The following MAF variants were observed in gnomAD, a reference collection of about 807,000 sequenced individuals.
MAF encodes MAF bZIP transcription factor.
A neutral mutation model predicts 22.0 loss-of-function variants in MAF; 10 were observed. That is an observed-to-expected ratio of 0.45 (90% confidence interval 0.28 to 0.77). The LOEUF is 0.77. Ranked by LOEUF, MAF falls within the 30% of genes least tolerant of loss-of-function variation. The probability of loss-of-function intolerance (pLI) is 0.12; values close to 1 mark genes in which losing one functional copy is unlikely to be tolerated. For synonymous variants in MAF, 337 were observed against 255.8 expected (o/e 1.32, Z -3.03); for missense variants, 544 against 548.4 (o/e 0.99, Z 0.08).
At chr16:79,472,784 T>A in the MAF span, among the ~76,000 whole-genome samples, 1 of 151,922 alleles carries the variant, frequency 6.6e-6, no homozygotes, top group Non-Finnish European at 1.5e-5. Context: ...GTATATAAAT[T>A]GTACGTCAAT....
At chr16:79,479,096 G>T in the MAF span, among the ~76,000 whole-genome samples, 2 of 150,204 alleles carry the variant, frequency 1.3e-5, no homozygotes, top group African/African-American at 4.9e-5. Flanking sequence ...TAGTGCACCC[G>T]TGCACCACCC....
chr16:79,597,906 G>C, intron 1 of MAF: 1 of 1,037,774 alleles, frequency 9.6e-7, no homozygotes. Context: ...CATGAGATGA[G>C]AATGAGTTTT....
chr16:79,422,658 T>C, the MAF span, among the ~76,000 whole-genome samples: 7 of 152,292 alleles, frequency 4.6e-5, no homozygotes, highest in South Asian at 1.5e-3. Context: ...TCCCCATTCC[T>C]TTGGGGGGCA....
chr16:79,546,827 A>C, the MAF span, among the ~76,000 whole-genome samples: 1 of 152,330 alleles, frequency 6.6e-6, no homozygotes, highest in Middle Eastern at 3.4e-3. Context: ...ACCAATTATT[A>C]ATATAATTAT....
the MAF span, among the ~76,000 whole-genome samples, chr16:79,359,144 T>G: frequency 6.6e-6 from 1 of 152,202 alleles, no homozygotes; most frequent in Non-Finnish European, 1.5e-5. Flanking sequence ...TCTTTCTCTC[T>G]CCATACATCA....
the MAF span, among the ~76,000 whole-genome samples, chr16:79,350,191 G>A: frequency 3.9e-5 from 6 of 152,294 alleles, no homozygotes; most frequent in South Asian, 1.2e-3. Context: ...ATTTGTTAAA[G>A]CATGGACTCT....
chr16:79,241,978 A>T, the MAF span, among the ~76,000 whole-genome samples: 1 of 152,046 alleles, frequency 6.6e-6, no homozygotes, highest in South Asian at 2.1e-4. Flanking sequence ...AAATTTTTAC[A>T]GACAAGCAAA....
At chr16:79,245,989 A>G in the MAF span, among the ~76,000 whole-genome samples, 1 of 151,620 alleles carries the variant, frequency 6.6e-6, no homozygotes, top group Admixed American at 6.6e-5. Context: ...TTCTGACTCA[A>G]AAGTGGGAGT....
At chr16:79,575,808 T>TC in the MAF span, among the ~76,000 whole-genome samples, 1 of 152,152 alleles carries the variant, frequency 6.6e-6, no homozygotes, top group Non-Finnish European at 1.5e-5. Flanking sequence ...GAAAGCATAG[T>TC]TTTTATATCC....
At chr16:79,535,992 GTATTTA>G in the MAF span, among the ~76,000 whole-genome samples, 1 of 152,212 alleles carries the variant, frequency 6.6e-6, no homozygotes, top group African/African-American at 2.4e-5. Context: ...ACAGTTGGCA[GTATTTA>G]TAGAATCAGG....
the MAF span, among the ~76,000 whole-genome samples, chr16:79,437,140 CTCTCTCTG>C: frequency 7.7e-5 from 2 of 25,998 alleles, no homozygotes; most frequent in African/African-American, 1.7e-4. Flanking sequence ...AAAGCTCTCT[CTCTCTCTG>C]TGTGTGTGTG....
chr16:79,390,986 A>C, the MAF span, among the ~76,000 whole-genome samples: 1 of 152,172 alleles, frequency 6.6e-6, no homozygotes, highest in Non-Finnish European at 1.5e-5. Flanking sequence ...TCGGGACAGA[A>C]GTGCATTGTC....
chr16:79,266,562 A>C, the MAF span, among the ~76,000 whole-genome samples: 3,601 of 152,262 alleles, frequency 0.024, 156 homozygotes, highest in African/African-American at 0.083. Flanking sequence ...GTCTTTCTGG[A>C]AATAGCCATA....
At chr16:79,276,741 T>C in the MAF span, among the ~76,000 whole-genome samples, 1 of 152,198 alleles carries the variant, frequency 6.6e-6, no homozygotes, top group Non-Finnish European at 1.5e-5. Context: ...AAAGCTTCCC[T>C]GTTCATTTCC....
chr16:79,553,195 A>G, the MAF span, among the ~76,000 whole-genome samples: 3 of 152,246 alleles, frequency 2.0e-5, no homozygotes, highest in African/African-American at 4.8e-5. Context: ...TGCCTCGGCA[A>G]CAGCTCTGGG....
chr16:79,226,280 C>A, the MAF span, among the ~76,000 whole-genome samples: 4 of 152,068 alleles, frequency 2.6e-5, no homozygotes, highest in South Asian at 2.1e-4. Context: ...AACACAAGAA[C>A]AGAAAACCAA....
At chr16:79,366,930 T>C in the MAF span, among the ~76,000 whole-genome samples, 2 of 152,224 alleles carry the variant, frequency 1.3e-5, no homozygotes, top group Non-Finnish European at 2.9e-5. Context: ...AAAGTGTGTA[T>C]CTCAGGGCTT....
chr16:79,262,812 A>G, the MAF span, among the ~76,000 whole-genome samples: 1 of 152,214 alleles, frequency 6.6e-6, no homozygotes, highest in Non-Finnish European at 1.5e-5. Flanking sequence ...TCTAGAAAAT[A>G]TTAGAGAGTT....
At chr16:79,384,365 A>G in the MAF span, among the ~76,000 whole-genome samples, 1 of 151,356 alleles carries the variant, frequency 6.6e-6, no homozygotes, top group Non-Finnish European at 1.5e-5. Flanking sequence ...GAATCGCCTG[A>G]ACCTGGGAGG....
Sources: gnomAD v4.1 joint callset for allele counts (sites outside exome capture counted in the v4.1 genomes callset) on GRCh38, gnomAD v4.1.1 for gene constraint, MANE v1.5 for transcripts, NCBI Gene and HGNC (gene_info 2026-07-23, HGNC 2026-07-21) for gene names.